PLOD3: variants seen among roughly 807,000 people sequenced by gnomAD.
The protein encoded by PLOD3 is multifunctional procollagen lysine hydroxylase and glycosyltransferase LH3.
In PLOD3, 73 loss-of-function variants were observed where a neutral mutation model predicts 96.9. That is an observed-to-expected ratio of 0.75 (90% CI 0.62 to 0.92). PLOD3 has a LOEUF of 0.92. Ranked by LOEUF, PLOD3 falls within the 40% of genes least tolerant of loss-of-function variation. The pLI, the probability that PLOD3 is intolerant of heterozygous loss-of-function variation, is 0.00. For missense variants in PLOD3, 1,004 were observed against 1,004.3 expected, an observed-to-expected ratio of 1.00 and a Z score of 0.00; for synonymous variants, 454 against 413.7, an observed-to-expected ratio of 1.10 and a Z score of -1.18.
At position 101,210,608 on chromosome 7, in the gene PLOD3, T is replaced by C. The variant is rs757612083; in HGVS notation, c.1424A>G (p.Glu475Gly). 4 of 1,613,950 alleles carry C rather than the reference T, an allele frequency of 2.5e-6. No homozygotes were observed. The Admixed American group carries it at 6.7e-5, about 27-fold the overall frequency. ...YVIRGDTLRM[E>G]LPQRDVFSGS... Reference sequence around the variant, plus strand: ...CGAGAACACATCCCTCTGGGGCAGCTCCATCCGCAGGGTATCACCCCGGAT... The same window carrying C: ...CGAGAACACATCCCTCTGGGGCAGCCCCATCCGCAGGGTATCACCCCGGAT... Residue 475 changes from glutamate (E) to glycine (G), a missense_variant, in exon 13 of 19, where the codon GAG (glutamate) becomes GGG (glycine). By Grantham distance (98) the Glu-to-Gly change is moderately conservative. This residue lies in a region of PLOD3 where 690 missense variants were observed against 650.2 expected (regional missense o/e 1.06). Transcript: ENST00000223127.
chr7:101,209,484 T>G (rs1798145931), intron 15 of PLOD3, among the ~76,000 whole-genome samples: 1 of 151,180 alleles, frequency 6.6e-6, no homozygotes, highest in South Asian at 2.1e-4. Context: ...TTCAAGCGAT[T>G]CTCCCACCTC....
chr7:101,206,048 C>G lies in PLOD3; in HGVS notation c.*233G>C, dbSNP rs1172002643. ...TTAATAATTTATCACGCGGGGAGTC[C>G]CCAGAAGCCCTGTGCCCACGAACCC... On this transcript the variant is annotated 3_prime_UTR_variant, in exon 19 of 19. Transcript: ENST00000223127. 1.6e-6 allele frequency: 1 copy of G among 610,624 alleles called. No homozygotes were observed. The highest frequency in any genetic ancestry group is 2.8e-5 in the East Asian group (1 of 36,050). The allele number at this position is 610,624 out of a possible 1,614,324, so 37.8% of individuals were successfully genotyped here.
intron 1 of PLOD3, 117 bp from the exon 2 acceptor site, chr7:101,216,903 C>A: frequency 1.2e-6 from 1 of 820,506 alleles, no homozygotes; most frequent in South Asian, 1.5e-5. Context: ...TTCTTAAACT[C>A]TTCTCACCCA....
chr7:101,213,503 C>CT (rs1798221171), intron 6 of PLOD3: 21 of 393,730 alleles, frequency 5.3e-5, no homozygotes, highest in African/African-American at 3.0e-4. Context: ...TCTCTCTCTC[C>CT]TTGTTTTTTT....
chr7:101,210,028 C>T (rs1233700363), intron 15 of PLOD3, 65 bp downstream of exon 15: 19 of 628,842 alleles, frequency 3.0e-5, no homozygotes, highest in Admixed American at 1.6e-4. Context: ...TGAATCCAGG[C>T]GGGGGCCCCC....
In PLOD3 at chr7:101,206,866, T is replaced by C; in HGVS notation, c.1974A>G (p.Pro658=). ...AVMNFVVRYR[P]DEQPSLRPHH... is the part of the protein sequence containing the mutation. ...GTGGCCGCAGAGACGGCTGCTCGTC[T>C]GGCCGGTAGCGAACCACAAAGTTCA... is the stretch of plus-strand genomic sequence containing the variant. The change falls in exon 18 of 19, where the codon CCA becomes CCG. Residue 658 remains proline (P), a synonymous_variant. Coordinates refer to ENST00000223127, the MANE Select transcript of PLOD3 (RefSeq NM_001084.5). 2.6e-6 allele frequency: 4 copies of C among 1,561,684 alleles called. No homozygotes were observed. The East Asian group carries it at 7.1e-5, about 28-fold the overall frequency.
In PLOD3 at chr7:101,208,622, G is replaced by A. The variant is rs79702818; in HGVS notation, c.1788+231C>T. 8,918 of 514,168 alleles carry A rather than the reference G, an allele frequency of 0.017. 106 individuals carry two copies. Among genetic ancestry groups the A allele is most frequent in the Non-Finnish European group, 0.023 (6,102 of 269,794 alleles). The allele number at this position is 514,168 out of a possible 1,614,324, so 31.9% of individuals were successfully genotyped here. ...GGCTGGCCTCAAACTCCCCCTGCTCGAGCAATCCTCCCGCCTCAGCCTCCC... is the reference window on the plus strand; with the variant it reads ...GGCTGGCCTCAAACTCCCCCTGCTCAAGCAATCCTCCCGCCTCAGCCTCCC... On this transcript the variant is annotated intron_variant, in intron 16 of 18. Transcript: ENST00000223127.
Position 101,217,219 on chromosome 7 carries a change from G to T in PLOD3, c.56C>A (p.Pro19His). The T allele has an allele frequency of 2.7e-6, 4 of 1,504,068 alleles. No individual in the cohort carries two copies. Among genetic ancestry groups the T allele is most frequent in the Admixed American group, 2.3e-5 (1 of 44,120 alleles). The allele number at this position is 1,504,068 out of a possible 1,614,324, so 93.2% of individuals were successfully genotyped here. A position where few individuals can be genotyped will look rare whatever the true frequency, so the allele number is the denominator to read the frequency against. Residue 19 changes from proline to histidine, a missense_variant, in exon 1 of 19, where the codon CCC (proline) becomes CAC (histidine). This residue lies in a region of PLOD3 where 690 missense variants were observed against 650.2 expected (regional missense o/e 1.06). Transcript: ENST00000223127. ...RFLLLLPLLL[P>H]PAASASDRPR... Reference sequence around the variant, plus strand: ...CCGGTCGGAGGCTGAGGCCGCAGGGGGCAGCAGCAGCGGCAGCAGCAGCAG... The same window carrying T: ...CCGGTCGGAGGCTGAGGCCGCAGGGTGCAGCAGCAGCGGCAGCAGCAGCAG...
rs372367816 is a variant in PLOD3, at chr7:101,210,394, G to A, written c.1551C>T (p.Ala517=). Residue 517 remains alanine, a synonymous_variant, in exon 14 of 19, where the codon GCC becomes GCT. Transcript: ENST00000223127. ...GGTGCTCCGTGTCGTATCTGGAAGTGGCCAGGAGCCGGCCAAATTCATGCT... is the reference window on the plus strand; with the variant it reads ...GGTGCTCCGTGTCGTATCTGGAAGTAGCCAGGAGCCGGCCAAATTCATGCT... ...SNQHEFGRLL[A]TSRYDTEHLH... 4.8e-5 allele frequency: 77 copies of A among 1,614,070 alleles called. No individual in the cohort carries two copies. Among genetic ancestry groups the A allele is most frequent in the Non-Finnish European group, 6.2e-5 (73 of 1,180,030 alleles).
chr7:101,207,134 C>T (rs1467891021), intron 17 of PLOD3, among the ~76,000 whole-genome samples: 1 of 152,078 alleles, frequency 6.6e-6, no homozygotes, highest in Non-Finnish European at 1.5e-5. Context: ...TGCCACCACA[C>T]CCGGCTAATT....
chr7:101,211,062 G>GT, intron 12 of PLOD3: 1 of 261,646 alleles, frequency 3.8e-6, no homozygotes, highest in South Asian at 4.5e-5. Flanking sequence ...TGTATTTTTG[G>GT]TAGAGATGGG....
In PLOD3 at chr7:101,213,409, T is replaced by A. The variant is rs115120900; in HGVS notation, c.680-205A>T. On this transcript the variant is annotated intron_variant, in intron 6 of 18. Transcript: ENST00000223127. ...GCTCCACTGCCTACTACCTGCGTGA[T>A]CACACCGCAGCTGGGCGAGGAAGGG... 4.5e-3 allele frequency: 2,835 copies of A among 626,490 alleles called. 51 individuals carry two copies. The highest frequency in any genetic ancestry group is 0.04 in the African/African-American group (2,186 of 55,116). The allele number at this position is 626,490 out of a possible 1,614,324, so 38.8% of individuals were successfully genotyped here.
intron 15 of PLOD3, 22 bp downstream of exon 15, chr7:101,210,071 T>TGGCCCTGGGGGGGGGGGGGGGGGG: frequency 9.5e-7 from 1 of 1,051,770 alleles, no homozygotes; most frequent in Non-Finnish European, 1.3e-6. Flanking sequence ...AGGGGGTGGG[T>TGGCCCTGGGGGGGGGGGGGGGGGG]GGGGAGGCTG....
rs750298633 is a variant in PLOD3, at chr7:101,216,435, C to A, written c.313G>T (p.Asp105Tyr). 2 of 1,614,056 alleles carry A rather than the reference C, an allele frequency of 1.2e-6. No homozygotes were observed. The highest frequency in any genetic ancestry group is 4.5e-5 in the East Asian group (2 of 44,898). ...CTATCCACAAACATGATGATCATAT[C>A]CTCCCGGTCAGCGTATTTCTCCATT... is the stretch of plus-strand genomic sequence containing the variant. ...KEMEKYADRE[D>Y]MIIMFVDSYD... The change falls in exon 3 of 19, where the codon GAT becomes TAT. Residue 105 changes from aspartate (D) to tyrosine (Y), a missense_variant. Asp to Tyr is a radical substitution (Grantham distance 160). Transcript: ENST00000223127.
rs1798295875 is a variant in PLOD3, at chr7:101,217,349, G to C, written c.-75C>G. 7.5e-7 allele frequency: 1 copy of C among 1,335,804 alleles called. No homozygotes were observed. Among genetic ancestry groups the C allele is most frequent in the Non-Finnish European group, 9.6e-7 (1 of 1,041,586 alleles). The allele number at this position is 1,335,804 out of a possible 1,614,324, so 82.7% of individuals were successfully genotyped here. A position where few individuals can be genotyped will look rare whatever the true frequency, so the allele number is the denominator to read the frequency against. On this transcript the variant is annotated 5_prime_UTR_variant, in exon 1 of 19. Coordinates refer to ENST00000223127, the MANE Select transcript of PLOD3 (RefSeq NM_001084.5). ...GCGCCTGGATCCCAGCTCCGGAGGG[G>C]AGCTCTGGAAAGGGGGCGCTCGGGC...
chr7:101,207,664 C>A lies in PLOD3; in HGVS notation c.1849G>T (p.Val617Leu), dbSNP rs1418147986. 6.2e-7 allele frequency: 1 copy of A among 1,614,054 alleles called. No homozygotes were observed. The highest frequency in any genetic ancestry group is 8.5e-7 in the Non-Finnish European group (1 of 1,179,976). The change falls in exon 17 of 19, where the codon GTG becomes TTG. Residue 617 changes from valine (V) to leucine (L), a missense_variant. Around this residue, in one of 5 missense-constraint regions of PLOD3, gnomAD observed 222 missense variants for 220.4 expected, o/e 1.01. Coordinates refer to ENST00000223127, the MANE Select transcript of PLOD3 (RefSeq NM_001084.5). ...VPTVDIHMKQ[V>L]GYEDQWLQLL... ...TGCAGCCACTGGTCCTCGTACCCCACCTGCTTCATGTGGATGTCCACGGTG... is the reference window on the plus strand; with the variant it reads ...TGCAGCCACTGGTCCTCGTACCCCAACTGCTTCATGTGGATGTCCACGGTG...
Position 101,212,561 on chromosome 7 carries a change from G to T in PLOD3, c.974C>A (p.Pro325His). 8 of 1,613,882 alleles carry T rather than the reference G, an allele frequency of 5.0e-6. No individual in the cohort carries two copies. Among genetic ancestry groups the T allele is most frequent in the Non-Finnish European group, 6.8e-6 (8 of 1,179,892 alleles). The change falls in exon 9 of 19, where the codon CCC (proline) becomes CAC (histidine). Residue 325 changes from proline to histidine, a missense_variant. Physicochemically the swap from Pro to His is moderately conservative, Grantham distance 77. Coordinates refer to ENST00000223127, the MANE Select transcript of PLOD3 (RefSeq NM_001084.5). ...LQRLLLLDYPPDRVTLFLHNN... is the reference protein window; with the variant it reads ...LQRLLLLDYPHDRVTLFLHNN... ...GTGCAGGAAAAGGGTGACCCTGTCGGGGGGATAGTCCAGGAGTAGCAGCCG... is the reference window on the plus strand; with the variant it reads ...GTGCAGGAAAAGGGTGACCCTGTCGTGGGGATAGTCCAGGAGTAGCAGCCG...
At chr7:101,213,264 A>C (rs958691202) in intron 6 of PLOD3, 60 bp from the exon 7 acceptor site, 1 of 1,084,796 alleles carries the variant, frequency 9.2e-7, no homozygotes, top group Admixed American at 1.8e-5. Context: ...CAAGCAACAC[A>C]TTCTTCTAAA....
At chr7:101,214,652 C>A (rs77754760) in intron 6 of PLOD3, among the ~76,000 whole-genome samples, 2,110 of 152,022 alleles carry the variant, frequency 0.014, 36 homozygotes, top group East Asian at 0.085. Flanking sequence ...AGCCTGGCCA[C>A]CATGGTGAAA....
Sources: gnomAD v4.1 joint callset for allele counts (sites outside exome capture counted in the v4.1 genomes callset) on GRCh38, gnomAD v4.1.1 for gene constraint, gnomAD v4.1.1 regional missense constraint, MANE v1.5 for transcripts, NCBI Gene and HGNC (gene_info 2026-07-23, HGNC 2026-07-21) for gene names.